The following CAMTA1 variants were observed in gnomAD, a reference collection of about 807,000 sequenced individuals.
The protein encoded by CAMTA1 is calmodulin binding transcription activator 1.
CAMTA1 carries 27 observed loss-of-function variants against 170.9 expected under a neutral mutation model. The ratio of observed to expected loss-of-function variants is 0.16; its 90% confidence interval spans 0.12 to 0.22. The LOEUF (loss-of-function observed/expected upper bound fraction) is 0.22, where lower values mean the gene tolerates loss of function less well. CAMTA1 is among the 10% of genes least tolerant of loss of function. The pLI is 1.00. For synonymous variants in CAMTA1, 833 were observed against 891.5 expected (o/e 0.93, Z 1.17); for missense variants, 1,619 against 2,217.2 (o/e 0.73, Z 5.42).
Position 7,371,220 on chromosome 1 carries a change from C to G in CAMTA1, c.439-96610C>G, listed in dbSNP as rs535060115. Among the ~76,000 whole-genome samples, 5 of 147,750 alleles carry G rather than the reference C, an allele frequency of 3.4e-5. No individual in the cohort carries two copies. In the East Asian group the frequency reaches 1.0e-3, roughly 31 times the overall value. On this transcript the variant is annotated intron_variant, in intron 5 of 22. Transcript: ENST00000303635. ...GCCACCGTGCCTGGCCTGGATGTGG[C>G]ACTTTCTAATGCTCTGGGTTTTGTT...
intron 5 of CAMTA1, among the ~76,000 whole-genome samples, chr1:7,417,923 T>C (rs1270805736): frequency 1.3e-5 from 2 of 152,150 alleles, no homozygotes; most frequent in African/African-American, 2.4e-5. Flanking sequence ...TAGCTCCACC[T>C]AAAGCCAGCT....
intron 6 of CAMTA1, among the ~76,000 whole-genome samples, chr1:7,579,852 G>T (rs943548627): frequency 6.6e-6 from 1 of 152,146 alleles, no homozygotes; most frequent in African/African-American, 2.4e-5. Flanking sequence ...GAGCCACCGC[G>T]CCCAGCCTTA....
intron 6 of CAMTA1, among the ~76,000 whole-genome samples, chr1:7,621,473 A>G (rs1292924062): frequency 6.6e-6 from 1 of 152,218 alleles, no homozygotes; most frequent in South Asian, 2.1e-4. Flanking sequence ...GAGTCTGAGC[A>G]TCGTGCCTCG....
At position 7,103,798 on chromosome 1, in the gene CAMTA1, G is replaced by A. The variant is rs181347829; in HGVS notation, c.302+12427G>A. Among the ~76,000 whole-genome samples the A allele has an allele frequency of 7.5e-3, 974 of 130,330 alleles. 3 individuals are homozygous for A. Among genetic ancestry groups the A allele is most frequent in the Non-Finnish European group, 0.011 (665 of 62,634 alleles). The allele number at this position is 130,330 out of a possible 152,430, so 85.5% of individuals were successfully genotyped here. On this transcript the variant is annotated intron_variant, in intron 4 of 22. Transcript: ENST00000303635. ...ACACATAACTACACGTACATACAAC[G>A]CACATATACATACAACTACACACAT...
intron 3 of CAMTA1, among the ~76,000 whole-genome samples, chr1:6,828,595 C>A (rs918480505): frequency 7.2e-5 from 11 of 151,890 alleles, no homozygotes; most frequent in African/African-American, 2.4e-4. Flanking sequence ...CGGCCCCATC[C>A]TACCATTTAT....
intron 4 of CAMTA1, among the ~76,000 whole-genome samples, chr1:7,150,548 G>A (rs780209993): frequency 2.6e-5 from 4 of 152,070 alleles, no homozygotes; most frequent in Non-Finnish European, 5.9e-5. Flanking sequence ...ATGTTGAACA[G>A]CATCCCTGGT....
chr1:7,431,060 A>G (rs1028486313), intron 5 of CAMTA1, among the ~76,000 whole-genome samples: 15 of 152,368 alleles, frequency 9.8e-5, no homozygotes, highest in African/African-American at 3.4e-4. Flanking sequence ...GATGACAGTT[A>G]AGAAATCTTC....
intron 3 of CAMTA1, among the ~76,000 whole-genome samples, chr1:6,898,397 G>C (rs568931122): frequency 6.6e-6 from 1 of 152,104 alleles, no homozygotes; most frequent in East Asian, 1.9e-4. Flanking sequence ...ACTAAAAATA[G>C]AAAAAATTAG....
chr1:7,531,335 C>G (rs1240640799), intron 6 of CAMTA1, among the ~76,000 whole-genome samples: 1 of 152,196 alleles, frequency 6.6e-6, no homozygotes, highest in South Asian at 2.1e-4. Flanking sequence ...CGCTCTTCAC[C>G]TGTAAAATGG....
At chr1:7,288,641 G>A (rs1044350488) in intron 5 of CAMTA1, among the ~76,000 whole-genome samples, 7 of 152,198 alleles carry the variant, frequency 4.6e-5, no homozygotes, top group Non-Finnish European at 8.8e-5. Context: ...TTGGTGAATT[G>A]TGCTATGAGC....
intron 3 of CAMTA1, among the ~76,000 whole-genome samples, chr1:6,907,404 G>T (rs749894797): frequency 1.3e-5 from 2 of 152,052 alleles, no homozygotes; most frequent in African/African-American, 2.4e-5. Context: ...GTGTTTCTAC[G>T]CAGGGTGCAT....
chr1:7,373,137 CTGGGTCATTCT>C (rs1557609452), intron 5 of CAMTA1, among the ~76,000 whole-genome samples: 1 of 152,220 alleles, frequency 6.6e-6, no homozygotes, highest in Non-Finnish European at 1.5e-5. Context: ...AGCCATGGCA[CTGGGTCATTCT>C]TGGTTGTGGG....
chr1:7,232,370 T>C (rs1167786059), intron 4 of CAMTA1, among the ~76,000 whole-genome samples: 1 of 152,172 alleles, frequency 6.6e-6, no homozygotes, highest in East Asian at 1.9e-4. Context: ...CCAGTTGTCC[T>C]GTTTGCTTTG....
rs1471434686 is a variant in CAMTA1 at position 6,914,389 on chromosome 1, A to G, written c.234+89179A>G. On this transcript the variant is annotated intron_variant, in intron 3 of 22. Coordinates refer to ENST00000303635, the MANE Select transcript of CAMTA1 (RefSeq NM_015215.4). ...AGTGCTGGGATTACAGGCGTGAACC[A>G]CCACACCTGGCCATCTCTGACTTTT... Among the ~76,000 whole-genome samples the G allele has an allele frequency of 3.9e-5, 6 of 152,190 alleles. No individual in the cohort carries two copies. The East Asian group carries it at 9.6e-4, about 24-fold the overall frequency.
chr1:7,522,287 A>G (rs937200834), intron 6 of CAMTA1, among the ~76,000 whole-genome samples: 1 of 152,142 alleles, frequency 6.6e-6, no homozygotes, highest in Non-Finnish European at 1.5e-5. Context: ...TGCCATCTGT[A>G]TATCATCTTT....
intron 1 of CAMTA1, among the ~76,000 whole-genome samples, chr1:6,793,283 G>A (rs532128038): frequency 2.2e-4 from 34 of 152,268 alleles, no homozygotes; most frequent in Admixed American, 7.2e-4. Context: ...GCATTCATTC[G>A]TTCAGCAGAC....
intron 6 of CAMTA1, among the ~76,000 whole-genome samples, chr1:7,605,149 G>A (rs554806439): frequency 8.5e-5 from 13 of 152,196 alleles, no homozygotes; most frequent in Non-Finnish European, 1.3e-4. Flanking sequence ...ACTTGAGGAC[G>A]CAGTCTGTCC....
At chr1:7,308,981 A>G (rs547822292) in intron 5 of CAMTA1, among the ~76,000 whole-genome samples, 11 of 152,254 alleles carry the variant, frequency 7.2e-5, no homozygotes, top group African/African-American at 2.6e-4. Context: ...TGCTTCATAT[A>G]TTTGAAAGTT....
chr1:6,876,638 C>T (rs1669984827), intron 3 of CAMTA1, among the ~76,000 whole-genome samples: 1 of 152,144 alleles, frequency 6.6e-6, no homozygotes, highest in African/African-American at 2.4e-5. Flanking sequence ...GCTGGGATTA[C>T]CGTGGTGAGC....
Sources: allele counts gnomAD v4.1 joint callset (sites outside exome capture counted in the v4.1 genomes callset), GRCh38; gene constraint gnomAD v4.1.1; transcripts MANE v1.5; gene names NCBI Gene and HGNC (gene_info 2026-07-23, HGNC 2026-07-21).